ADGRL3: variants seen among roughly 807,000 people sequenced by gnomAD.
ADGRL3 encodes adhesion G protein-coupled receptor L3, also known as calcium-independent alpha-latrotoxin receptor 3.
In ADGRL3, 62 loss-of-function variants were observed where a neutral mutation model predicts 153.5. That is an observed-to-expected ratio of 0.40 (90% CI 0.33 to 0.50). ADGRL3 has a LOEUF of 0.50. ADGRL3 is among the 20% of genes least tolerant of loss of function. ADGRL3 has a pLI of 0.47. For missense variants in ADGRL3, 1,641 were observed against 1,859.4 expected (o/e 0.88, Z 2.16); for synonymous variants, 710 against 672.5 (o/e 1.06, Z -0.86).
chr4:61,567,229 TC>T (rs1408859041), intron 4 of ADGRL3, among the ~76,000 whole-genome samples: 4 of 152,182 alleles, frequency 2.6e-5, no homozygotes. Flanking sequence ...TAGAGTAATT[TC>T]CAAAGTGCAG....
chr4:61,962,808 A>G (rs1311673887), intron 17 of ADGRL3, among the ~76,000 whole-genome samples: 2 of 152,198 alleles, frequency 1.3e-5, no homozygotes, highest in East Asian at 3.8e-4. Context: ...ACTTTGTTCT[A>G]TTAATTTTAA....
In ADGRL3 at chr4:61,344,676, G is replaced by A. The variant is rs115445152; in HGVS notation, c.-239-38448G>A. On this transcript the variant is annotated intron_variant, in intron 1 of 26. Transcript: ENST00000683033. Reference sequence around the variant, plus strand: ...CCTGGTCATTAAGTAATAAAATGATGTATCTTTTAATGAAGTTAACTAAGT... The same window carrying A: ...CCTGGTCATTAAGTAATAAAATGATATATCTTTTAATGAAGTTAACTAAGT... Among the ~76,000 whole-genome samples the A allele has an allele frequency of 3.8e-3, 575 of 152,126 alleles. 8 individuals are homozygous for A. The highest frequency in any genetic ancestry group is 0.013 in the African/African-American group (551 of 41,512).
intron 6 of ADGRL3, among the ~76,000 whole-genome samples, chr4:61,716,396 A>G (rs2096116778): frequency 6.6e-6 from 1 of 152,028 alleles, no homozygotes; most frequent in Admixed American, 6.6e-5. Flanking sequence ...AAGAAAATTA[A>G]CCTCTCTCTT....
intron 2 of ADGRL3, among the ~76,000 whole-genome samples, chr4:61,490,021 C>T (rs1432308717): frequency 6.6e-6 from 1 of 152,056 alleles, no homozygotes; most frequent in East Asian, 1.9e-4. Flanking sequence ...TAGATTCTTC[C>T]TATTACTGTC....
chr4:61,725,310 T>C (rs28504063), intron 6 of ADGRL3, among the ~76,000 whole-genome samples: 16,425 of 152,154 alleles, frequency 0.11, 1,151 homozygotes, highest in Non-Finnish European at 0.15. Context: ...TGAGAATGCC[T>C]GCATTTAAAT....
intron 9 of ADGRL3, among the ~76,000 whole-genome samples, chr4:61,844,513 C>G (rs1047755807): frequency 4.0e-5 from 5 of 124,808 alleles, no homozygotes; most frequent in African/African-American, 1.6e-4. Context: ...TGCCATTGCA[C>G]TCCAGCCTGG....
At chr4:61,230,023 T>A (rs1505660) in intron 1 of ADGRL3, among the ~76,000 whole-genome samples, 1 of 152,094 alleles carries the variant, frequency 6.6e-6, no homozygotes, top group Non-Finnish European at 1.5e-5. Context: ...TAACCATAAG[T>A]ACTCAAAAAT....
At chr4:61,645,844 A>T (rs1016011501) in intron 5 of ADGRL3, among the ~76,000 whole-genome samples, 3 of 152,136 alleles carry the variant, frequency 2.0e-5, no homozygotes, top group African/African-American at 7.2e-5. Flanking sequence ...CGTTGCTAGA[A>T]TGGGGAAGTT....
Position 61,294,884 on chromosome 4 carries a change from T to TAC in ADGRL3, c.-239-88223_-239-88222dup, listed in dbSNP as rs3035669. Among the ~76,000 whole-genome samples, 851 of 105,208 alleles carry TAC rather than the reference T, an allele frequency of 8.1e-3. 1 individual carries two copies. Among genetic ancestry groups the TAC allele is most frequent in the Non-Finnish European group, 0.011 (582 of 50,742 alleles). 69.0% of individuals were successfully genotyped at this position (105,208 alleles called of 152,430 possible). Reference sequence around the variant, plus strand: ...CTTTTGTGGTCTTCAAATTAAATTTTACACACACACACACACACTCACACA... The same window carrying TAC: ...CTTTTGTGGTCTTCAAATTAAATTTTACACACACACACACACACACTCACACA... On this transcript the variant is annotated intron_variant, in intron 1 of 26. Transcript: ENST00000683033.
At chr4:61,592,073 C>CAAAAAAA (rs34116654) in intron 5 of ADGRL3, among the ~76,000 whole-genome samples, 1 of 123,674 alleles carries the variant, frequency 8.1e-6, no homozygotes, top group Non-Finnish European at 1.7e-5. Context: ...GAAACTGCTT[C>CAAAAAAA]AAAAAAAAAA....
intron 9 of ADGRL3, among the ~76,000 whole-genome samples, chr4:61,843,105 G>A (rs1315456300): frequency 6.6e-6 from 1 of 152,118 alleles, no homozygotes; most frequent in Non-Finnish European, 1.5e-5. Context: ...GTGGGTCTTT[G>A]TTGGAAAGGT....
chr4:61,865,401 T>A (rs1393881715), intron 9 of ADGRL3, among the ~76,000 whole-genome samples: 1 of 152,180 alleles, frequency 6.6e-6, no homozygotes, highest in African/African-American at 2.4e-5. Flanking sequence ...AGGCTGTGGT[T>A]TGACATTTCA....
chr4:61,421,350 C>CA (rs200559058), intron 2 of ADGRL3, among the ~76,000 whole-genome samples: 5,431 of 142,702 alleles, frequency 0.038, 253 homozygotes, highest in East Asian at 0.22. Flanking sequence ...ACAAACAAAC[C>CA]AAAAAAAAAA....
In ADGRL3 at chr4:62,019,012, G is replaced by A. The variant is rs560717482; in HGVS notation, c.3396-9843G>A. Reference sequence around the variant, plus strand: ...TAACACCTGGACTCTTATCAGTGGAGCAGGAAAGTGACTCTGTAACCAACA... The same window carrying A: ...TAACACCTGGACTCTTATCAGTGGAACAGGAAAGTGACTCTGTAACCAACA... On this transcript the variant is annotated intron_variant, in intron 21 of 26. Coordinates refer to ENST00000683033, the MANE Select transcript of ADGRL3 (RefSeq NM_001387552.1). 3.9e-5 allele frequency among the ~76,000 whole-genome samples: 6 copies of A among 152,260 alleles called. No individual in the cohort carries two copies. The East Asian group carries it at 1.2e-3, about 29-fold the overall frequency.
chr4:61,495,326 A>G (rs187294822), intron 2 of ADGRL3, among the ~76,000 whole-genome samples: 1 of 152,324 alleles, frequency 6.6e-6, no homozygotes, highest in East Asian at 1.9e-4. Context: ...TTCATCAGTA[A>G]ACAATTTTGA....
At chr4:61,390,108 T>C (rs2096784973) in intron 2 of ADGRL3, among the ~76,000 whole-genome samples, 1 of 152,234 alleles carries the variant, frequency 6.6e-6, no homozygotes, top group African/African-American at 2.4e-5. Flanking sequence ...TTAAAACTTA[T>C]GTTAAATTTT....
intron 13 of ADGRL3, among the ~76,000 whole-genome samples, chr4:61,922,764 T>C (rs927029372): frequency 1.3e-5 from 2 of 152,208 alleles, no homozygotes; most frequent in African/African-American, 4.8e-5. Context: ...GGTGCAGGGA[T>C]TCACGGGTGA....
At chr4:61,466,292 T>G (rs1181362681) in intron 2 of ADGRL3, among the ~76,000 whole-genome samples, 1 of 152,204 alleles carries the variant, frequency 6.6e-6, no homozygotes, top group Non-Finnish European at 1.5e-5. Flanking sequence ...ATACAAATTT[T>G]AGAAAAATTG....
chr4:61,539,431 T>C (rs1646250020), intron 4 of ADGRL3, among the ~76,000 whole-genome samples: 5 of 152,156 alleles, frequency 3.3e-5, no homozygotes. Flanking sequence ...CCCCTATGGG[T>C]GGCCCTCACT....
Sources: allele counts gnomAD v4.1 joint callset (sites outside exome capture counted in the v4.1 genomes callset), GRCh38; gene constraint gnomAD v4.1.1; transcripts MANE v1.5; gene names NCBI Gene and HGNC (gene_info 2026-07-23, HGNC 2026-07-21).